DCAF6: variants seen among roughly 807,000 people sequenced by gnomAD.
DCAF6 encodes DDB1 and CUL4 associated factor 6.
In DCAF6, 54 loss-of-function variants were observed where a neutral mutation model predicts 125.1. The observed-to-expected ratio is 0.43, with a 90% confidence interval of 0.35 to 0.54. The LOEUF (loss-of-function observed/expected upper bound fraction) is 0.54, where lower values mean the gene tolerates loss of function less well. Among genes scored for constraint, DCAF6 ranks in the 20% least tolerant of loss-of-function variants. The pLI is 0.01. For missense variants in DCAF6, 934 were observed against 1,161.7 expected (o/e 0.80, Z 2.85); for synonymous variants, 371 against 390.4 (o/e 0.95, Z 0.58).
intron 7 of DCAF6, among the ~76,000 whole-genome samples, chr1:167,995,415 T>TA (rs1681501782): frequency 6.6e-6 from 1 of 152,170 alleles, no homozygotes; most frequent in Non-Finnish European, 1.5e-5. Context: ...CGTAGTGGCT[T>TA]ACGCCTGTAA....
At chr1:167,902,989 T>C in the DCAF6 span, among the ~76,000 whole-genome samples, 1 of 152,198 alleles carries the variant, frequency 6.6e-6, no homozygotes, top group African/African-American at 2.4e-5. Context: ...GCATGGTGGC[T>C]TACGCCTATA....
the DCAF6 span, chr1:167,894,063 AG>A: frequency 1.4e-6 from 1 of 723,946 alleles, no homozygotes; most frequent in African/African-American, 1.8e-5. Flanking sequence ...TACAGTTGTC[AG>A]GAGACTCTGG....
At chr1:167,880,210 G>A in the DCAF6 span, 3 of 1,595,960 alleles carry the variant, frequency 1.9e-6, no homozygotes, top group Non-Finnish European at 2.6e-6. Context: ...GGGGAGACAA[G>A]ATTTGTGGGG....
At chr1:167,924,413 T>A in the DCAF6 span, 22 of 1,118,576 alleles carry the variant, frequency 2.0e-5, no homozygotes, top group Non-Finnish European at 2.7e-5. Context: ...CTAAAGTATA[T>A]CCTTCATAAA....
chr1:167,942,670 C>G (rs1026900132), intron 1 of DCAF6, among the ~76,000 whole-genome samples: 2 of 152,108 alleles, frequency 1.3e-5, no homozygotes, highest in African/African-American at 4.8e-5. Flanking sequence ...CTTTTTACCT[C>G]TTACATTTAG....
chr1:168,074,437 A>T (rs1365896776), intron 21 of DCAF6, among the ~76,000 whole-genome samples: 1 of 151,966 alleles, frequency 6.6e-6, no homozygotes, highest in Non-Finnish European at 1.5e-5. Context: ...TCTTCACAAT[A>T]CCCTTATGTA....
chr1:167,900,253 T>C, the DCAF6 span, among the ~76,000 whole-genome samples: 2 of 152,238 alleles, frequency 1.3e-5, no homozygotes, highest in Non-Finnish European at 2.9e-5. Context: ...TCAATGTTTA[T>C]TTTTTATCTT....
the DCAF6 span, among the ~76,000 whole-genome samples, chr1:167,922,842 TCAA>T: frequency 8.5e-5 from 13 of 152,078 alleles, no homozygotes; most frequent in African/African-American, 3.1e-4. Flanking sequence ...AGCCCATCAC[TCAA>T]CAACAACAAA....
At chr1:167,870,807 A>G in the DCAF6 span, among the ~76,000 whole-genome samples, 1 of 123,016 alleles carries the variant, frequency 8.1e-6, no homozygotes, top group South Asian at 2.3e-4. Context: ...AACTCCATCT[A>G]AAAAAAAAAA....
chr1:168,009,585 C>T (rs1250335627), intron 10 of DCAF6, among the ~76,000 whole-genome samples: 1 of 147,452 alleles, frequency 6.8e-6, no homozygotes, highest in African/African-American at 2.5e-5. Context: ...TCTCTCTTTC[C>T]TGTCTTTTCT....
intron 16 of DCAF6, among the ~76,000 whole-genome samples, chr1:168,047,984 C>T (rs1187954578): frequency 6.6e-6 from 1 of 152,068 alleles, no homozygotes; most frequent in Non-Finnish European, 1.5e-5. Context: ...ATTGACACTC[C>T]TGCCAGTTTA....
Position 168,003,941 on chromosome 1 carries a change from A to G in DCAF6, c.1069A>G (p.Ser357Gly), listed in dbSNP as rs1193988221. 6.2e-7 allele frequency: 1 copy of G among 1,612,470 alleles called. No homozygotes were observed. The highest frequency in any genetic ancestry group is 8.5e-7 in the Non-Finnish European group (1 of 1,179,266). ...GTTATCAAGATGGTTTGAAGAAGCA[A>G]GTGAGGTTGCACAAAGCAATAGAGG... ...DMLSRWFEEA[S>G]EVAQSNRGRG... The change falls in exon 9 of 22, where the codon AGT becomes GGT. Residue 357 changes from serine to glycine, a missense_variant. By Grantham distance (56) the Ser-to-Gly change is moderately conservative (BLOSUM62 0). Around this residue, in one of 5 missense-constraint regions of DCAF6, gnomAD observed 559 missense variants for 635.5 expected, o/e 0.88. Coordinates refer to ENST00000367840, the MANE Select transcript of DCAF6 (RefSeq NM_001198956.2).
chr1:167,942,152 G>A (rs542041073), intron 1 of DCAF6, among the ~76,000 whole-genome samples: 1 of 152,160 alleles, frequency 6.6e-6, no homozygotes, highest in Non-Finnish European at 1.5e-5. Context: ...CGCAACCTCT[G>A]CCTGCTGGGT....
At chr1:167,951,942 A>C in intron 2 of DCAF6, 81 bp downstream of exon 2, 1 of 842,394 alleles carries the variant, frequency 1.2e-6, no homozygotes, top group Non-Finnish European at 1.9e-6. Flanking sequence ...CAATCCTCCC[A>C]GAAAGGATTG....
chr1:167,947,960 G>A (rs73024136), intron 1 of DCAF6, among the ~76,000 whole-genome samples: 3,404 of 152,284 alleles, frequency 0.022, 94 homozygotes, highest in African/African-American at 0.06. Context: ...AATGCTGTAA[G>A]TGGGGTGTTG....
chr1:167,902,188 C>T, the DCAF6 span: 1 of 906,146 alleles, frequency 1.1e-6, no homozygotes, highest in East Asian at 2.5e-5. Flanking sequence ...CTAAAGATCT[C>T]ATCCCAGACA....
At chr1:168,041,857 A>G (rs1688572761) in intron 13 of DCAF6, among the ~76,000 whole-genome samples, 2 of 151,062 alleles carry the variant, frequency 1.3e-5, no homozygotes, top group South Asian at 2.1e-4. Flanking sequence ...ATAGCTATAT[A>G]TTCCTTTCTG....
At chr1:167,989,995 G>A (rs963141698) in intron 5 of DCAF6, among the ~76,000 whole-genome samples, 8 of 152,138 alleles carry the variant, frequency 5.3e-5, no homozygotes, top group African/African-American at 1.9e-4. Context: ...ACAGAGATAA[G>A]TAATAACATT....
At chr1:168,036,820 G>A (rs976932618) in intron 12 of DCAF6, among the ~76,000 whole-genome samples, 2 of 152,100 alleles carry the variant, frequency 1.3e-5, no homozygotes, top group African/African-American at 4.8e-5. Flanking sequence ...TTTATTTCCA[G>A]GAGTTGTTTA....
Sources: gnomAD v4.1 joint callset for allele counts (sites outside exome capture counted in the v4.1 genomes callset) on GRCh38, gnomAD v4.1.1 for gene constraint, gnomAD v4.1.1 regional missense constraint, MANE v1.5 for transcripts, NCBI Gene and HGNC (gene_info 2026-07-23, HGNC 2026-07-21) for gene names.